STK32B: variants seen among roughly 807,000 people sequenced by gnomAD.
STK32B encodes serine/threonine kinase 32B.
STK32B carries 43 observed loss-of-function variants against 52.6 expected under a neutral mutation model. That is an observed-to-expected ratio of 0.82 (90% CI 0.64 to 1.05). The LOEUF (loss-of-function observed/expected upper bound fraction) is 1.05, where lower values mean the gene tolerates loss of function less well. STK32B is among the 50% of genes least tolerant of loss of function. The pLI is 0.00. For missense variants in STK32B, 621 were observed against 534.6 expected (o/e 1.16, Z -1.59); for synonymous variants, 238 against 204.3 (o/e 1.17, Z -1.41).
At chr4:5,390,544 GGGCT>G (rs1167718006) in intron 4 of STK32B, among the ~76,000 whole-genome samples, 1 of 152,138 alleles carries the variant, frequency 6.6e-6, no homozygotes, top group Non-Finnish European at 1.5e-5. Flanking sequence ...CCTGCTCAGA[GGGCT>G]GGTGCTCTCC....
In STK32B at chr4:5,332,802, C is replaced by T. The variant is rs147889742; in HGVS notation, c.434+1409C>T. On this transcript the variant is annotated intron_variant, in intron 4 of 11. Coordinates refer to ENST00000282908, the MANE Select transcript of STK32B (RefSeq NM_018401.3). ...GAGAATGATGATTTCCAATTTCATC[C>T]GTGTCTCAAAAAGGACATGAACTCA... Among the ~76,000 whole-genome samples, 560 of 152,148 alleles carry T rather than the reference C, an allele frequency of 3.7e-3. 2 individuals carry two copies. Among genetic ancestry groups the T allele is most frequent in the Non-Finnish European group, 4.9e-3 (331 of 68,006 alleles).
chr4:5,231,930 C>CCA (rs1724301198), intron 3 of STK32B, among the ~76,000 whole-genome samples: 1 of 152,126 alleles, frequency 6.6e-6, no homozygotes, highest in Non-Finnish European at 1.5e-5. Context: ...AAAGAGAGGA[C>CCA]AAAGATACAC....
At chr4:5,053,590 C>A (rs1424254642) in intron 1 of STK32B, among the ~76,000 whole-genome samples, 1 of 152,200 alleles carries the variant, frequency 6.6e-6, no homozygotes, top group South Asian at 2.1e-4. Context: ...AAATAGTTAT[C>A]TCTGGTGTAG....
intron 2 of STK32B, among the ~76,000 whole-genome samples, chr4:5,140,966 G>A (rs1043376584): frequency 2.0e-5 from 3 of 152,170 alleles, no homozygotes; most frequent in Admixed American, 6.5e-5. Flanking sequence ...ATAATGATAA[G>A]TACATTAAAA....
At chr4:5,217,125 A>G (rs1577204257) in intron 3 of STK32B, among the ~76,000 whole-genome samples, 3 of 152,232 alleles carry the variant, frequency 2.0e-5, no homozygotes, top group South Asian at 4.1e-4. Context: ...GAGGCCAATT[A>G]TGCATTGCCT....
intron 9 of STK32B, among the ~76,000 whole-genome samples, chr4:5,462,055 A>G (rs1383375788): frequency 1.3e-5 from 2 of 152,072 alleles, no homozygotes; most frequent in East Asian, 3.9e-4. Flanking sequence ...CACTTGGCCA[A>G]CTGGGAGCTC....
intron 3 of STK32B, among the ~76,000 whole-genome samples, chr4:5,306,132 T>A (rs1729911748): frequency 6.6e-6 from 1 of 152,158 alleles, no homozygotes; most frequent in Admixed American, 6.5e-5. Flanking sequence ...TCATGTGGTC[T>A]ATCTTGGAGA....
At chr4:5,305,114 A>T (rs558088272) in intron 3 of STK32B, among the ~76,000 whole-genome samples, 3 of 152,192 alleles carry the variant, frequency 2.0e-5, no homozygotes, top group African/African-American at 7.2e-5. Context: ...GGATTTTTGC[A>T]GCTATGTTCA....
intron 3 of STK32B, among the ~76,000 whole-genome samples, chr4:5,172,114 G>A (rs1359791305): frequency 6.7e-6 from 1 of 148,154 alleles, no homozygotes; most frequent in African/African-American, 2.4e-5. Flanking sequence ...CTGTTTGTCT[G>A]TTGTTGGTGT....
chr4:5,170,450 C>G (rs146980946), intron 3 of STK32B, among the ~76,000 whole-genome samples: 1 of 151,950 alleles, frequency 6.6e-6, no homozygotes, highest in African/African-American at 2.4e-5. Context: ...CTAATGCTAT[C>G]GCTCCCCCGT....
chr4:5,232,579 T>C (rs1357999194), intron 3 of STK32B, among the ~76,000 whole-genome samples: 1 of 152,184 alleles, frequency 6.6e-6, no homozygotes, highest in African/African-American at 2.4e-5. Flanking sequence ...TGATGGGACA[T>C]GGGATGTACT....
chr4:5,271,410 T>A (rs369142586), intron 3 of STK32B, among the ~76,000 whole-genome samples: 1 of 152,102 alleles, frequency 6.6e-6, no homozygotes, highest in Admixed American at 6.5e-5. Flanking sequence ...CAATATTGCT[T>A]GTAGTATAGT....
chr4:5,082,741 A>G (rs964750431), intron 1 of STK32B, among the ~76,000 whole-genome samples: 1 of 152,190 alleles, frequency 6.6e-6, no homozygotes, highest in Admixed American at 6.5e-5. Flanking sequence ...AAAAAAAAAA[A>G]AATTGGAAAA....
intron 6 of STK32B, among the ~76,000 whole-genome samples, chr4:5,442,287 C>T (rs1714858561): frequency 6.6e-6 from 1 of 151,518 alleles, no homozygotes; most frequent in African/African-American, 2.4e-5. Context: ...TCTTGGTGCT[C>T]CTGTATTGGT....
chr4:5,402,174 C>T (rs866341244), intron 5 of STK32B, among the ~76,000 whole-genome samples: 3 of 152,236 alleles, frequency 2.0e-5, no homozygotes, highest in Non-Finnish European at 4.4e-5. Context: ...CTTGGCCAAA[C>T]CTAGAGTCAG....
intron 1 of STK32B, among the ~76,000 whole-genome samples, chr4:5,129,751 CTA>C (rs796312292): frequency 1.1e-4 from 16 of 152,154 alleles, no homozygotes; most frequent in African/African-American, 3.6e-4. Context: ...TTATCAATGA[CTA>C]TGGTGAGATA....
intron 4 of STK32B, among the ~76,000 whole-genome samples, chr4:5,347,947 T>C (rs992878478): frequency 6.6e-6 from 1 of 152,206 alleles, no homozygotes; most frequent in African/African-American, 2.4e-5. Flanking sequence ...TAAGTAGTTC[T>C]TTATAGCAGC....
chr4:5,486,306 C>G (rs1719196573), intron 11 of STK32B, among the ~76,000 whole-genome samples: 1 of 152,196 alleles, frequency 6.6e-6, no homozygotes, highest in African/African-American at 2.4e-5. Context: ...CACCCCCAAC[C>G]TCGCTGCAGC....
rs184719722 is a variant in STK32B at position 5,320,474 on chromosome 4, T to G, written c.261-10746T>G. On this transcript the variant is annotated intron_variant, in intron 3 of 11. Transcript: ENST00000282908. The stretch of plus-strand genomic sequence containing the variant: ...AACCCTGTGTGTATCTATCAGTACT[T>G]TTTCAGCTATTGTTTACATTGAAAA... Among the ~76,000 whole-genome samples, 17 of 152,336 alleles carry G rather than the reference T, an allele frequency of 1.1e-4. No homozygotes were observed. The East Asian group carries it at 2.9e-3, about 26-fold the overall frequency.
Sources: allele counts gnomAD v4.1 joint callset (sites outside exome capture counted in the v4.1 genomes callset), GRCh38; gene constraint gnomAD v4.1.1; transcripts MANE v1.5; gene names NCBI Gene and HGNC (gene_info 2026-07-23, HGNC 2026-07-21).